SCNN1A: variants seen among roughly 807,000 people sequenced by gnomAD.
The protein encoded by SCNN1A is epithelial sodium channel subunit alpha.
SCNN1A carries 65 observed loss-of-function variants against 68.6 expected under a neutral mutation model. The observed-to-expected ratio is 0.95, with a 90% confidence interval of 0.78 to 1.16. The LOEUF is 1.16. Among genes scored for constraint, SCNN1A ranks in the 50% most tolerant of loss-of-function variants. SCNN1A has a pLI of 0.00. For missense variants in SCNN1A, 880 were observed against 865.9 expected (o/e 1.02, Z -0.20); for synonymous variants, 357 against 353.3 (o/e 1.01, Z -0.12).
At chr12:6,363,412 G>A (rs371408832) in intron 3 of SCNN1A, 31 bp downstream of exon 3, 3 of 1,491,506 alleles carry the variant, frequency 2.0e-6, no homozygotes, top group Non-Finnish European at 2.7e-6. Context: ...GGCGAGGGGC[G>A]GGGCGGGCCC....
In SCNN1A at chr12:6,347,942, C is replaced by T; in HGVS notation, c.1941G>A (p.Leu647=). The change falls in exon 13 of 13, where the codon CTG becomes CTA. Residue 647 remains leucine (L), a synonymous_variant. Coordinates refer to ENST00000228916, the MANE Select transcript of SCNN1A (RefSeq NM_001038.6). ...LTAPPPAYAT[L]GPRPSPGGSA... Reference sequence around the variant, plus strand: ...AGCCCCCTGGAGATGGGCGGGGGCCCAGGGTGGCATAGGCAGGGGGAGGGG... The same window carrying T: ...AGCCCCCTGGAGATGGGCGGGGGCCTAGGGTGGCATAGGCAGGGGGAGGGG... The T allele has an allele frequency of 5.1e-6, 8 of 1,580,292 alleles. No individual in the cohort carries two copies. Among genetic ancestry groups the T allele is most frequent in the Non-Finnish European group, 6.9e-6 (8 of 1,161,478 alleles).
chr12:6,375,158 G>T (rs1190093326), intron 1 of SCNN1A: 5 of 1,461,326 alleles, frequency 3.4e-6, no homozygotes, highest in African/African-American at 1.4e-5. Flanking sequence ...CCTTCCTTTG[G>T]TCTTCTTCCT....
At chr12:6,361,586 TA>T (rs1450087518) in intron 4 of SCNN1A, among the ~76,000 whole-genome samples, 1 of 151,676 alleles carries the variant, frequency 6.6e-6, no homozygotes, top group Non-Finnish European at 1.5e-5. Context: ...CTACTAAAAA[TA>T]AAAAAATTAG....
intron 5 of SCNN1A, 126 bp from the exon 6 acceptor site, chr12:6,355,561 C>A: frequency 8.2e-7 from 1 of 1,225,022 alleles, no homozygotes. Context: ...TCAGGAAGAC[C>A]CGCAAAGGGA....
At chr12:6,349,259 C>G in intron 9 of SCNN1A, 38 bp from the exon 10 acceptor site, 1 of 1,613,714 alleles carries the variant, frequency 6.2e-7, no homozygotes, top group Non-Finnish European at 8.5e-7. Context: ...TGGGGCAGAG[C>G]TCTCCCAAAT....
chr12:6,369,123 T>A (rs1217471637), intron 2 of SCNN1A, among the ~76,000 whole-genome samples: 1 of 152,074 alleles, frequency 6.6e-6, no homozygotes, highest in East Asian at 1.9e-4. Context: ...TTCCCCAGGC[T>A]GGCTCAAGTC....
At chr12:6,353,593 TTTA>T (rs1016583236) in intron 8 of SCNN1A, 7 of 148,836 alleles carry the variant, frequency 4.7e-5, no homozygotes, top group Non-Finnish European at 8.9e-5. Flanking sequence ...ATTTATTTTA[TTTA>T]TTTATTTTTT....
chr12:6,363,735 C>A, intron 2 of SCNN1A, 25 bp from the exon 3 acceptor site: 1 of 1,578,514 alleles, frequency 6.3e-7, no homozygotes, highest in South Asian at 1.2e-5. Flanking sequence ...GGAAGAGGGT[C>A]AGGCCAGGGG....
chr12:6,350,025 C>T lies in SCNN1A; in HGVS notation c.1361-620G>A, dbSNP rs752847553. On this transcript the variant is annotated intron_variant, in intron 8 of 12. Transcript: ENST00000228916. ...ACAGGTGTGAGCGACCGCACCTGGCCTAAAAAATAAATTAATAAAGAAAGA... is the reference window on the plus strand; with the variant it reads ...ACAGGTGTGAGCGACCGCACCTGGCTTAAAAAATAAATTAATAAAGAAAGA... The T allele has an allele frequency of 1.0e-4, 19 of 188,162 alleles. No homozygotes were observed. The South Asian group carries it at 1.2e-3, about 12-fold the overall frequency. The allele number at this position is 188,162 out of a possible 1,614,324, so 11.7% of individuals were successfully genotyped here.
rs1023105072 is a variant in SCNN1A at position 6,372,714 on chromosome 12, C to G, written c.416+1654G>C. Among the ~76,000 whole-genome samples the G allele has an allele frequency of 6.6e-6, 1 of 151,880 alleles. No homozygotes were observed. The highest frequency in any genetic ancestry group is 1.5e-5 in the Non-Finnish European group (1 of 68,036). ...CTTCCCCTTCCTGCTGGGTCCCTCC[C>G]CTCCACCAAGGCCTAAAGGGGTGAA... On this transcript the variant is annotated intron_variant, in intron 2 of 12. Transcript: ENST00000228916. The surrounding 1 kb of genome is among the most constrained non-coding windows in gnomAD (Gnocchi z 5.8).
Position 6,362,689 on chromosome 12 carries a change from T to C in SCNN1A, c.685-448A>G, listed in dbSNP as rs544989946. Among the ~76,000 whole-genome samples, 6 of 150,022 alleles carry C rather than the reference T, an allele frequency of 4.0e-5. No individual in the cohort carries two copies. The South Asian group carries it at 1.3e-3, about 32-fold the overall frequency. On this transcript the variant is annotated intron_variant, in intron 3 of 12. Coordinates refer to ENST00000228916, the MANE Select transcript of SCNN1A (RefSeq NM_001038.6). ...TCATTTTCCCTTGCTCCTTTCTTTC[T>C]TTTTTTTTGGCAGACGAGCTCACTC...
At chr12:6,353,380 T>C (rs113271726) in intron 8 of SCNN1A, among the ~76,000 whole-genome samples, 3 of 152,162 alleles carry the variant, frequency 2.0e-5, no homozygotes, top group African/African-American at 7.2e-5. Context: ...TTCTAATATT[T>C]TCTTCCTGCT....
chr12:6,348,605 T>A, intron 12 of SCNN1A, 122 bp downstream of exon 12: 1 of 935,408 alleles, frequency 1.1e-6, no homozygotes. Context: ...TCTTCTTTGG[T>A]CCCCTGCCTT....
At position 6,347,497 on chromosome 12, in the gene SCNN1A, C is replaced by A. The variant is rs1420276875; in HGVS notation, c.*376G>T. 3.9e-6 allele frequency: 1 copy of A among 259,194 alleles called. No homozygotes were observed. The highest frequency in any genetic ancestry group is 7.6e-6 in the Non-Finnish European group (1 of 131,330). 16.1% of individuals were successfully genotyped at this position (259,194 alleles called of 1,614,324 possible). A position where few individuals can be genotyped will look rare whatever the true frequency, so the allele number is the denominator to read the frequency against. ...TCGCTGGGCAGGAAACCCGTGCATGCCTGCGTGTACCCTTGGTTGTGTTTT... is the reference window on the plus strand; with the variant it reads ...TCGCTGGGCAGGAAACCCGTGCATGACTGCGTGTACCCTTGGTTGTGTTTT... On this transcript the variant is annotated 3_prime_UTR_variant, in exon 13 of 13. Transcript: ENST00000228916.
intron 2 of SCNN1A, among the ~76,000 whole-genome samples, chr12:6,373,215 A>C (rs1461443511): frequency 6.6e-6 from 1 of 152,020 alleles, no homozygotes; most frequent in East Asian, 1.9e-4. Context: ...GGAATATACG[A>C]AGGGGCCTCC....
chr12:6,362,385 G>A, intron 3 of SCNN1A, 144 bp from the exon 4 acceptor site: 2 of 767,076 alleles, frequency 2.6e-6, no homozygotes, highest in Non-Finnish European at 4.6e-6. Context: ...GACAGAAGTG[G>A]AAGAGAAGCA....
At chr12:6,349,261 C>T (rs747125323) in intron 9 of SCNN1A, 40 bp from the exon 10 acceptor site, 4 of 1,613,466 alleles carry the variant, frequency 2.5e-6, no homozygotes, top group South Asian at 2.2e-5. Context: ...GGGCAGAGCT[C>T]TCCCAAATGC....
rs1948811446 is a variant in SCNN1A, at chr12:6,372,533, C to T, written c.416+1835G>A. ...AGGCAGGGCTTATGGCTTCCTTTCC[C>T]CGGCTTTTTCCTGGACTGTCTAGGG... is the stretch of plus-strand genomic sequence containing the variant. On this transcript the variant is annotated intron_variant, in intron 2 of 12. Transcript: ENST00000228916. The surrounding 1 kb of genome is among the most constrained non-coding windows in gnomAD (Gnocchi z 5.8). Among the ~76,000 whole-genome samples the T allele has an allele frequency of 6.6e-6, 1 of 152,372 alleles. No homozygotes were observed. Among genetic ancestry groups the T allele is most frequent in the Admixed American group, 6.5e-5 (1 of 15,304 alleles).
chr12:6,367,067 G>C (rs1948692796), intron 2 of SCNN1A, among the ~76,000 whole-genome samples: 2 of 152,144 alleles, frequency 1.3e-5, no homozygotes, highest in African/African-American at 2.4e-5. Context: ...ACGAAACCTT[G>C]TATCTACAAA....
Sources: gnomAD v4.1 joint callset for allele counts (sites outside exome capture counted in the v4.1 genomes callset) on GRCh38, gnomAD v4.1.1 for gene constraint, Gnocchi (gnomAD v3.1) non-coding constraint, MANE v1.5 for transcripts, NCBI Gene and HGNC (gene_info 2026-07-23, HGNC 2026-07-21) for gene names.